The following DIAPH3 variants were observed in gnomAD, a reference collection of about 807,000 sequenced individuals.
DIAPH3 encodes diaphanous related formin 3.
Under a neutral mutation model 144.3 loss-of-function variants are expected in DIAPH3, and 117 were observed. That is an observed-to-expected ratio of 0.81 (90% CI 0.70 to 0.95). The LOEUF (loss-of-function observed/expected upper bound fraction) is 0.95. Ranked by LOEUF, DIAPH3 falls within the 40% of genes least tolerant of loss-of-function variation. DIAPH3 has a pLI of 0.00. For missense variants in DIAPH3, 1,421 were observed against 1,412.7 expected, an observed-to-expected ratio of 1.01 and a Z score of -0.09; for synonymous variants, 519 against 488.9, an observed-to-expected ratio of 1.06 and a Z score of -0.81.
chr13:60,039,542 G>T (rs1308073973), intron 5 of DIAPH3, among the ~76,000 whole-genome samples: 1 of 152,028 alleles, frequency 6.6e-6, no homozygotes, highest in Non-Finnish European at 1.5e-5. Context: ...GGCCTCAAGT[G>T]ATCCGCTCGT....
intron 9 of DIAPH3, among the ~76,000 whole-genome samples, chr13:60,003,101 G>C (rs2052616976): frequency 6.6e-6 from 1 of 152,032 alleles, no homozygotes; most frequent in African/African-American, 2.4e-5. Flanking sequence ...GTTCTCCTGG[G>C]GCAACTGTGG....
At chr13:59,885,648 G>T (rs553009634) in intron 20 of DIAPH3, among the ~76,000 whole-genome samples, 1 of 151,924 alleles carries the variant, frequency 6.6e-6, no homozygotes, top group Non-Finnish European at 1.5e-5. Context: ...CCCACAAAAG[G>T]TATGTCTAAA....
intron 17 of DIAPH3, among the ~76,000 whole-genome samples, chr13:59,943,416 G>A (rs1043442067): frequency 6.6e-6 from 1 of 152,134 alleles, no homozygotes; most frequent in African/African-American, 2.4e-5. Flanking sequence ...AGACACACAG[G>A]ACCAAGAAAG....
chr13:59,860,917 G>C (rs1458816177), intron 22 of DIAPH3, among the ~76,000 whole-genome samples: 1 of 152,050 alleles, frequency 6.6e-6, no homozygotes, highest in African/African-American at 2.4e-5. Flanking sequence ...TGGGCATTAG[G>C]AAAGAGTGAA....
Position 60,163,758 on chromosome 13 carries a change from C to A in DIAPH3, c.9G>T (p.Arg3=). ME[R]HQPRLHHPAQ... ...CCGGGTGGTGCAGCCGCGGCTGGTG[C>A]CGTTCCATCTTTCCCCGCAGCTCCG... is the stretch of plus-strand genomic sequence containing the variant. Residue 3 remains arginine, a synonymous_variant, in exon 1 of 28, where the codon CGG becomes CGT. Transcript: ENST00000400324. 6.3e-7 allele frequency: 1 copy of A among 1,587,880 alleles called. No homozygotes were observed. The highest frequency in any genetic ancestry group is 8.6e-7 in the Non-Finnish European group (1 of 1,168,394).
intron 17 of DIAPH3, among the ~76,000 whole-genome samples, chr13:59,951,124 A>G (rs2049075574): frequency 6.6e-6 from 1 of 152,048 alleles, no homozygotes; most frequent in South Asian, 2.1e-4. Flanking sequence ...TGCATCCCCA[A>G]CCAAATCTCC....
chr13:59,776,948 AC>A lies in DIAPH3; in HGVS notation c.3164-2126del, dbSNP rs1055145665. Among the ~76,000 whole-genome samples the A allele has an allele frequency of 8.2e-5, 12 of 146,304 alleles. No homozygotes were observed. The South Asian group carries it at 9.7e-4, about 12-fold the overall frequency. On this transcript the variant is annotated intron_variant, in intron 25 of 27. Coordinates refer to ENST00000400324, the MANE Select transcript of DIAPH3 (RefSeq NM_001042517.2). Reference sequence around the variant, plus strand: ...CAAAACAAAACAAACAAACAAACAAACAAAAAAACCCTTTTCCTATAACACT... The same window carrying A: ...CAAAACAAAACAAACAAACAAACAAAAAAAAAACCCTTTTCCTATAACACT...
chr13:59,894,616 C>T (rs1238435038), intron 20 of DIAPH3, among the ~76,000 whole-genome samples: 1 of 121,290 alleles, frequency 8.2e-6, no homozygotes, highest in Non-Finnish European at 1.6e-5. Context: ...GAGAATAGAA[C>T]AGACAATTGA....
intron 4 of DIAPH3, among the ~76,000 whole-genome samples, chr13:60,087,935 G>T (rs969840748): frequency 6.6e-6 from 1 of 152,216 alleles, no homozygotes; most frequent in African/African-American, 2.4e-5. Flanking sequence ...ACGTGGATAA[G>T]GGAGGTGAGG....
chr13:59,827,482 T>A (rs1336783766), intron 24 of DIAPH3, among the ~76,000 whole-genome samples: 2 of 152,004 alleles, frequency 1.3e-5, no homozygotes, highest in South Asian at 2.1e-4. Flanking sequence ...ATGAAAGCAT[T>A]AGGAAGAATT....
At chr13:60,011,137 G>T (rs1018210344) in intron 7 of DIAPH3, among the ~76,000 whole-genome samples, 2 of 151,930 alleles carry the variant, frequency 1.3e-5, no homozygotes, top group Non-Finnish European at 2.9e-5. Context: ...GTTCATAAGG[G>T]TATTCACTTT....
At chr13:59,888,257 A>C (rs1209288596) in intron 20 of DIAPH3, among the ~76,000 whole-genome samples, 1 of 152,032 alleles carries the variant, frequency 6.6e-6, no homozygotes, top group Non-Finnish European at 1.5e-5. Context: ...TTGTCCCTCC[A>C]CCATCTCAGA....
At chr13:59,834,875 T>C (rs2041963454) in intron 23 of DIAPH3, among the ~76,000 whole-genome samples, 1 of 151,784 alleles carries the variant, frequency 6.6e-6, no homozygotes, top group South Asian at 2.1e-4. Context: ...CAAATTCTCA[T>C]GAATTTCTAC....
In DIAPH3 at chr13:60,163,605, C is replaced by T; in HGVS notation, c.162G>A (p.Gly54=). ...TACTCACAAACTTGGGGCGCTTCTC[C>T]CCAGGCTCCTCGGGGCCACTGGGCG... is the stretch of plus-strand genomic sequence containing the variant. The part of the protein sequence containing the change: ...PPPPSGPEEP[G]EKRPKFHLNI... Residue 54 remains glycine, a synonymous_variant, in exon 1 of 28, where the codon GGG becomes GGA. Coordinates refer to ENST00000400324, the MANE Select transcript of DIAPH3 (RefSeq NM_001042517.2). 2 of 1,600,106 alleles carry T rather than the reference C, an allele frequency of 1.2e-6. No homozygotes were observed. Among genetic ancestry groups the T allele is most frequent in the South Asian group, 1.1e-5 (1 of 90,188 alleles).
intron 4 of DIAPH3, among the ~76,000 whole-genome samples, chr13:60,062,970 A>G (rs1419128494): frequency 1.3e-5 from 2 of 152,148 alleles, no homozygotes; most frequent in Non-Finnish European, 2.9e-5. Flanking sequence ...AGCTGTGGCA[A>G]TTTCTTAAAA....
At chr13:59,733,588 T>C (rs2035992774) in intron 27 of DIAPH3, among the ~76,000 whole-genome samples, 2 of 152,198 alleles carry the variant, frequency 1.3e-5, no homozygotes, top group Non-Finnish European at 2.9e-5. Context: ...TAGGAAGGTT[T>C]AGTTGTATTA....
At chr13:59,895,432 A>G (rs1405001066) in intron 20 of DIAPH3, among the ~76,000 whole-genome samples, 1 of 138,378 alleles carries the variant, frequency 7.2e-6, no homozygotes, top group East Asian at 2.4e-4. Context: ...TGTTAAAGGA[A>G]AAAAAAAAAA....
At chr13:59,760,722 T>C (rs1460273731) in intron 27 of DIAPH3, among the ~76,000 whole-genome samples, 4 of 152,178 alleles carry the variant, frequency 2.6e-5, no homozygotes, top group Admixed American at 6.5e-5. Flanking sequence ...TTTTTAACCT[T>C]AAGGTGGCAA....
chr13:59,768,526 T>C (rs1367777322), intron 27 of DIAPH3, among the ~76,000 whole-genome samples: 1 of 152,106 alleles, frequency 6.6e-6, no homozygotes, highest in African/African-American at 2.4e-5. Flanking sequence ...AAACTCTTGC[T>C]GTTTGAGAAA....
Sources: gnomAD v4.1 joint callset for allele counts (sites outside exome capture counted in the v4.1 genomes callset) on GRCh38, gnomAD v4.1.1 for gene constraint, MANE v1.5 for transcripts, NCBI Gene and HGNC (gene_info 2026-07-23, HGNC 2026-07-21) for gene names.